The following AEBP2 variants were observed in gnomAD, a reference collection of about 807,000 sequenced individuals.
The protein encoded by AEBP2 is AE binding protein 2.
A neutral mutation model predicts 50.8 loss-of-function variants in AEBP2; 10 were observed. That is an observed-to-expected ratio of 0.20 (90% CI 0.12 to 0.33). AEBP2 has a LOEUF of 0.33. Ranked by LOEUF, AEBP2 falls within the 10% of genes least tolerant of loss-of-function variation. AEBP2 has a pLI of 1.00. For missense variants in AEBP2, 570 were observed against 688.0 expected (o/e 0.83, Z 1.92); for synonymous variants, 296 against 261.3 (o/e 1.13, Z -1.28).
chr12:19,487,053 G>T (rs931189354), intron 3 of AEBP2, among the ~76,000 whole-genome samples: 2 of 152,070 alleles, frequency 1.3e-5, no homozygotes, highest in African/African-American at 4.8e-5. Flanking sequence ...TGTGCTATGG[G>T]TATCTGAATA....
chr12:19,514,918 T>G (rs1431699834), intron 7 of AEBP2, 134 bp downstream of exon 7: 1 of 669,314 alleles, frequency 1.5e-6, no homozygotes, highest in African/African-American at 1.9e-5. Context: ...CTGGCTTTTT[T>G]TTTTTTGGAT....
intron 2 of AEBP2, among the ~76,000 whole-genome samples, chr12:19,463,635 T>A (rs1040950619): frequency 2.0e-5 from 3 of 151,752 alleles, no homozygotes; most frequent in Non-Finnish European, 4.4e-5. Context: ...GGTCAACGTT[T>A]CTAACATTTT....
At chr12:19,420,737 C>A (rs1362396372) in intron 1 of AEBP2, among the ~76,000 whole-genome samples, 1 of 152,122 alleles carries the variant, frequency 6.6e-6, no homozygotes, top group Non-Finnish European at 1.5e-5. Context: ...CCTGCTTACA[C>A]CTTTAACTGT....
chr12:19,514,671 T>C lies in AEBP2; in HGVS notation c.1368T>C (p.Ile456=), dbSNP rs374206154. 23 of 1,593,112 alleles carry C rather than the reference T, an allele frequency of 1.4e-5. No homozygotes were observed. The highest frequency in any genetic ancestry group is 2.0e-5 in the Non-Finnish European group (23 of 1,169,654). Residue 456 remains isoleucine, a splice_region_variant and synonymous_variant, in exon 7 of 8, where the codon ATT becomes ATC. Coordinates refer to ENST00000266508, the MANE Select transcript of AEBP2 (RefSeq NM_153207.5). Reference sequence around the variant, plus strand: ...TATTGACTTGTTTTTTAATTCATAGTCTGCCTGATGTGTGGGTGAATGAAA... The same window carrying C: ...TATTGACTTGTTTTTTAATTCATAGCCTGCCTGATGTGTGGGTGAATGAAA... ...KLLLHWMPED[I]LPDVWVNESE...
chr12:19,472,128 T>C (rs1187481159), intron 2 of AEBP2, among the ~76,000 whole-genome samples: 3 of 152,212 alleles, frequency 2.0e-5, no homozygotes, highest in African/African-American at 7.2e-5. Flanking sequence ...AAAATTGACC[T>C]CAATTATTTG....
At chr12:19,456,301 CCTT>C in intron 1 of AEBP2, 1 of 1,511,336 alleles carries the variant, frequency 6.6e-7, no homozygotes, top group Non-Finnish European at 9.1e-7. Context: ...GCTCCAGCAG[CCTT>C]CTTGTTCACT....
intron 3 of AEBP2, among the ~76,000 whole-genome samples, chr12:19,492,224 T>C (rs1241663905): frequency 6.6e-6 from 1 of 152,196 alleles, no homozygotes; most frequent in African/African-American, 2.4e-5. Flanking sequence ...CTGTGGATAT[T>C]TTCTGTTTTG....
chr12:19,437,915 GCT>G (rs1362729537), upstream of AEBP2, among the ~76,000 whole-genome samples: 3 of 152,130 alleles, frequency 2.0e-5, no homozygotes, highest in African/African-American at 7.2e-5. Flanking sequence ...GAGCATGGAG[GCT>G]CTGTTTTCAG....
chr12:19,412,692 G>A (rs185482568), intron 1 of AEBP2, among the ~76,000 whole-genome samples: 36 of 152,178 alleles, frequency 2.4e-4, no homozygotes, highest in South Asian at 1.2e-3. Flanking sequence ...CCTCGGCCTC[G>A]CAAAGTGCTG....
chr12:19,447,691 A>G (rs1948097496), intron 1 of AEBP2, among the ~76,000 whole-genome samples: 1 of 148,450 alleles, frequency 6.7e-6, no homozygotes, highest in African/African-American at 2.4e-5. Flanking sequence ...AGTCATTTAT[A>G]TATCCCCATT....
chr12:19,443,170 C>T (rs778470778), intron 1 of AEBP2, among the ~76,000 whole-genome samples: 4 of 151,618 alleles, frequency 2.6e-5, no homozygotes, highest in Middle Eastern at 6.8e-3. Context: ...GATCTCGGCT[C>T]ACTGCAACCT....
chr12:19,491,028 T>C (rs190581908), intron 3 of AEBP2, among the ~76,000 whole-genome samples: 6 of 152,336 alleles, frequency 3.9e-5, no homozygotes, highest in Non-Finnish European at 8.8e-5. Context: ...AAAATTCATT[T>C]ACTCAGTTAC....
intron 5 of AEBP2, among the ~76,000 whole-genome samples, chr12:19,505,816 C>G (rs578253819): frequency 6.6e-6 from 1 of 152,246 alleles, no homozygotes. Context: ...CACTGTGTCA[C>G]CCAGGGTGAA....
At chr12:19,404,916 C>T (rs1164389168) in intron 1 of AEBP2, among the ~76,000 whole-genome samples, 2 of 146,072 alleles carry the variant, frequency 1.4e-5, no homozygotes, top group African/African-American at 5.1e-5. Context: ...GTGATTCCAA[C>T]TTCCTTGGCT....
At chr12:19,427,389 A>C (rs1051063790) in intron 1 of AEBP2, among the ~76,000 whole-genome samples, 3 of 151,674 alleles carry the variant, frequency 2.0e-5, no homozygotes, top group Non-Finnish European at 2.9e-5. Context: ...AAAAAAAAAA[A>C]AAAAAAAAAA....
At chr12:19,459,276 G>C (rs985936475) in intron 1 of AEBP2, among the ~76,000 whole-genome samples, 3 of 151,844 alleles carry the variant, frequency 2.0e-5, no homozygotes, top group African/African-American at 7.3e-5. Flanking sequence ...CTGTTGCCCA[G>C]GCTGGAGTGC....
upstream of AEBP2, among the ~76,000 whole-genome samples, chr12:19,437,932 T>C (rs1027157193): frequency 1.3e-5 from 2 of 152,196 alleles, no homozygotes; most frequent in African/African-American, 2.4e-5. Context: ...TTTCAGGCAG[T>C]CAGTTCTATC....
chr12:19,462,617 C>T lies in AEBP2; in HGVS notation c.779C>T (p.Ala260Val). The change falls in exon 2 of 8, where the codon GCC becomes GTC. Residue 260 changes from alanine to valine, a missense_variant. Physicochemically the swap from Ala to Val is moderately conservative, Grantham distance 64. Around this residue, in one of 2 missense-constraint regions of AEBP2, gnomAD observed 184 missense variants for 351.2 expected, o/e 0.52. Transcript: ENST00000266508. ...ACTACTTCTTCAAGCAAAAATATTG[C>T]CTATAATTGTTGTTGGGACCAGTGC... ...GSTTSSSKNI[A>V]YNCCWDQCQA... 6.2e-7 allele frequency: 1 copy of T among 1,613,914 alleles called. No individual in the cohort carries two copies. The highest frequency in any genetic ancestry group is 2.2e-5 in the East Asian group (1 of 44,880).
intron 4 of AEBP2, among the ~76,000 whole-genome samples, chr12:19,498,545 G>T (rs1348186787): frequency 6.6e-6 from 1 of 152,130 alleles, no homozygotes; most frequent in East Asian, 1.9e-4. Flanking sequence ...TAGCCATAGT[G>T]TGGGAAATCA....
Sources: gnomAD v4.1 joint callset for allele counts (sites outside exome capture counted in the v4.1 genomes callset) on GRCh38, gnomAD v4.1.1 for gene constraint, gnomAD v4.1.1 regional missense constraint, MANE v1.5 for transcripts, NCBI Gene and HGNC (gene_info 2026-07-23, HGNC 2026-07-21) for gene names.